The following CFAP46 variants were observed in gnomAD, a reference collection of about 807,000 sequenced individuals.
The protein encoded by CFAP46 is cilia- and flagella-associated protein 46.
Under a neutral mutation model 325.7 loss-of-function variants are expected in CFAP46, and 245 were observed. The ratio of observed to expected loss-of-function variants is 0.75; its 90% CI spans 0.68 to 0.84. The LOEUF (loss-of-function observed/expected upper bound fraction) is 0.84. Among genes scored for constraint, CFAP46 ranks in the 40% least tolerant of loss-of-function variants. CFAP46 has a pLI of 0.00. For synonymous variants in CFAP46, 1,523 were observed against 1,495.9 expected (o/e 1.02, Z -0.42); for missense variants, 3,346 against 3,543.0 (o/e 0.94, Z 1.41).
chr10:132,881,674 C>T lies in CFAP46; in HGVS notation c.3628-642G>A, dbSNP rs547156963. Among the ~76,000 whole-genome samples, 12 of 70,668 alleles carry T rather than the reference C, an allele frequency of 1.7e-4. No individual in the cohort carries two copies. The South Asian group carries it at 5.1e-3, about 30-fold the overall frequency. 46.4% of individuals were successfully genotyped at this position (70,668 alleles called of 152,430 possible). A position where few individuals can be genotyped will look rare whatever the true frequency, so the allele number is the denominator to read the frequency against. On this transcript the variant is annotated intron_variant, in intron 27 of 57. Coordinates refer to ENST00000368586, the MANE Select transcript of CFAP46 (RefSeq NM_001200049.3). Reference sequence around the variant, plus strand: ...CTGCACCGCACCCTCCGCAGCCCTGCGAGCCGGGGTTAGCCTGCACCACAC... The same window carrying T: ...CTGCACCGCACCCTCCGCAGCCCTGTGAGCCGGGGTTAGCCTGCACCACAC...
At chr10:132,938,490 T>C in intron 5 of CFAP46, 99 bp downstream of exon 5, 33 of 1,149,182 alleles carry the variant, frequency 2.9e-5, no homozygotes, top group Non-Finnish European at 4.1e-5. Context: ...GCCCCAGTGA[T>C]GTGGAACTCC....
At chr10:132,864,297 C>T (rs1468964270) in intron 35 of CFAP46, among the ~76,000 whole-genome samples, 1 of 136,524 alleles carries the variant, frequency 7.3e-6, no homozygotes, top group Non-Finnish European at 1.6e-5. Context: ...TGCCTGAGAC[C>T]TGTACACACC....
At chr10:132,901,085 C>T (rs997888765) in intron 22 of CFAP46, among the ~76,000 whole-genome samples, 5 of 152,218 alleles carry the variant, frequency 3.3e-5, no homozygotes, top group Non-Finnish European at 4.4e-5. Context: ...CATCCTTTTA[C>T]CTTCAATCTG....
chr10:132,826,394 C>T (rs1848052164), intron 50 of CFAP46, among the ~76,000 whole-genome samples: 1 of 132,108 alleles, frequency 7.6e-6, no homozygotes, highest in African/African-American at 3.0e-5. Context: ...GCCACAGAGA[C>T]CAGCCATGGA....
intron 37 of CFAP46, among the ~76,000 whole-genome samples, chr10:132,860,187 CCAAA>C (rs1222389581): frequency 1.1e-4 from 17 of 152,218 alleles, no homozygotes; most frequent in African/African-American, 2.9e-4. Context: ...ACTTTCTAAG[CCAAA>C]CAGACGGGAC....
Position 132,941,008 on chromosome 10 carries a change from T to C in CFAP46, c.359A>G (p.Lys120Arg), listed in dbSNP as rs1850089717. Residue 120 changes from lysine (K) to arginine (R), a missense_variant, in exon 4 of 58, where the codon AAA (lysine) becomes AGA (arginine). Coordinates refer to ENST00000368586, the MANE Select transcript of CFAP46 (RefSeq NM_001200049.3). ...TEYMKAINFAKGEPRYYFLVY... is the reference protein window; with the variant it reads ...TEYMKAINFARGEPRYYFLVY... ...CAATTTTGCCTACCTCGGTTCTCCT[T>C]TGGCAAAGTTTATGGCCTTCATGTA... 1 of 1,614,078 alleles carries C rather than the reference T, an allele frequency of 6.2e-7. No homozygotes were observed. Among genetic ancestry groups the C allele is most frequent in the African/African-American group, 1.3e-5 (1 of 74,944 alleles).
At chr10:132,912,579 C>CCTCTCCTCTCTCT (rs1849566287) in intron 19 of CFAP46, 76 bp downstream of exon 19, 3 of 1,316,730 alleles carry the variant, frequency 2.3e-6, no homozygotes, top group Non-Finnish European at 3.0e-6. Context: ...TTTCACCTCT[C>CCTCTCCTCTCTCT]CTCTCCTCTC....
rs567148039 is a variant in CFAP46, at chr10:132,885,149, A to G, written c.3581T>C (p.Val1194Ala). 2 of 1,550,248 alleles carry G rather than the reference A, an allele frequency of 1.3e-6. No individual in the cohort carries two copies. The highest frequency in any genetic ancestry group is 4.9e-5 in the East Asian group (2 of 40,900). The change falls in exon 27 of 58, where the codon GTG becomes GCG. Residue 1194 changes from valine to alanine, a missense_variant. Coordinates refer to ENST00000368586, the MANE Select transcript of CFAP46 (RefSeq NM_001200049.3). ...WHRLALNSPS[V>A]SGELACYNNA... ...GTTGTAGCAGGCCAGCTCTCCAGAC[A>G]CGCTCGGCGAGTTCAGGGCCAGGCG...
At chr10:132,840,676 C>T (rs1287574472) in intron 44 of CFAP46, among the ~76,000 whole-genome samples, 1 of 152,192 alleles carries the variant, frequency 6.6e-6, no homozygotes, top group Non-Finnish European at 1.5e-5. Context: ...CTGAATTCTG[C>T]TGTGACTTCT....
intron 55 of CFAP46, among the ~76,000 whole-genome samples, chr10:132,811,578 G>A (rs1202329056): frequency 6.6e-6 from 1 of 152,206 alleles, no homozygotes; most frequent in Non-Finnish European, 1.5e-5. Context: ...AGGGATCGGG[G>A]GCCAGGGCAA....
intron 33 of CFAP46, 132 bp from the exon 34 acceptor site, chr10:132,867,639 A>T (rs1236730509): frequency 2.4e-5 from 29 of 1,229,870 alleles, no homozygotes; most frequent in Non-Finnish European, 2.7e-5. Context: ...AAAGATTTTT[A>T]AAAATCCTCA....
chr10:132,852,831 G>A (rs1848581057), intron 39 of CFAP46, among the ~76,000 whole-genome samples: 1 of 152,184 alleles, frequency 6.6e-6, no homozygotes, highest in African/African-American at 2.4e-5. Context: ...TCATAAAATT[G>A]TTTCAAAATT....
rs1591042430 is a variant in CFAP46, at chr10:132,834,429, AG to A, written c.6866+224del. On this transcript the variant is annotated intron_variant, in intron 48 of 57. Transcript: ENST00000368586. ...TGCCCTCCCACCCCACACTTGGGCC[AG>A]GGGCTGGAGGGACCGTGGGCAGTGG... Among the ~76,000 whole-genome samples the A allele has an allele frequency of 9.2e-5, 14 of 152,272 alleles. No homozygotes were observed. The East Asian group carries it at 2.5e-3, about 27-fold the overall frequency.
At chr10:132,836,348 TC>T (rs1044936553) in intron 45 of CFAP46, 130 bp from the exon 46 acceptor site, 3 of 794,532 alleles carry the variant, frequency 3.8e-6, no homozygotes, top group African/African-American at 3.4e-5. Flanking sequence ...AGCAGGGCCC[TC>T]CCCGTGTGCG....
intron 25 of CFAP46, among the ~76,000 whole-genome samples, chr10:132,887,547 TC>T (rs1849169675): frequency 1.2e-5 from 1 of 84,238 alleles, no homozygotes; most frequent in Non-Finnish European, 2.4e-5. Flanking sequence ...CCCTCTTCTC[TC>T]CTCTCCCTTC....
At chr10:132,865,542 G>A (rs952056913) in intron 35 of CFAP46, among the ~76,000 whole-genome samples, 3 of 152,212 alleles carry the variant, frequency 2.0e-5, no homozygotes, top group Admixed American at 6.5e-5. Flanking sequence ...CGGGGCTTTC[G>A]CTGGGGACCG....
intron 31 of CFAP46, among the ~76,000 whole-genome samples, chr10:132,875,833 C>T (rs753564270): frequency 2.1e-4 from 32 of 152,126 alleles, no homozygotes; most frequent in Non-Finnish European, 4.1e-4. Context: ...AAAGGACACA[C>T]AAAAAACTGA....
At chr10:132,880,793 C>T in intron 28 of CFAP46, 68 bp downstream of exon 28, 1 of 1,504,258 alleles carries the variant, frequency 6.6e-7, no homozygotes, top group Non-Finnish European at 8.9e-7. Flanking sequence ...CGGTCCAGAT[C>T]ACGGAGCAGG....
At position 132,832,387 on chromosome 10, in the gene CFAP46, T is replaced by TGTCCCC. The variant is rs1265297692; in HGVS notation, c.7117+970_7117+971insGGGGAC. Among the ~76,000 whole-genome samples, 3 of 124,368 alleles carry TGTCCCC rather than the reference T, an allele frequency of 2.4e-5. No homozygotes were observed. The highest frequency in any genetic ancestry group is 1.0e-4 in the African/African-American group (3 of 29,016). 81.6% of individuals were successfully genotyped at this position (124,368 alleles called of 152,430 possible). On this transcript the variant is annotated intron_variant, in intron 50 of 57. Transcript: ENST00000368586. This position sits in a 1 kb window ranked among gnomAD's most constrained non-coding sequence, Gnocchi z 4.1. The stretch of plus-strand genomic sequence containing the variant: ...CTTGCGGAGACCCCTGGGCTCTTCC[T>TGTCCCC]GCCCCCCCCCCCCAATGCTGTGGCC...
Sources: allele counts gnomAD v4.1 joint callset (sites outside exome capture counted in the v4.1 genomes callset), GRCh38; gene constraint gnomAD v4.1.1; non-coding constraint Gnocchi (gnomAD v3.1); transcripts MANE v1.5; gene names NCBI Gene and HGNC (gene_info 2026-07-23, HGNC 2026-07-21).